Variants in RALGAPA1 observed in about 807,000 individuals in gnomAD.
The protein encoded by RALGAPA1 is Ral GTPase activating protein catalytic subunit alpha 1, also known as ral GTPase-activating protein subunit alpha-1.
Under a neutral mutation model 269.6 loss-of-function variants are expected in RALGAPA1, and 52 were observed. The observed-to-expected ratio is 0.19, with a 90% CI of 0.15 to 0.24. The LOEUF is 0.24. Among genes scored for constraint, RALGAPA1 ranks in the 10% least tolerant of loss-of-function variants. The pLI is 1.00. For synonymous variants in RALGAPA1, 817 were observed against 1,008.3 expected (o/e 0.81, Z 3.60); for missense variants, 1,917 against 3,013.9 (o/e 0.64, Z 8.52).
chr14:35,688,569 GAA>G lies in RALGAPA1; in HGVS notation c.3840_3841del (p.Ser1281GlufsTer39). ...TGGGGAAACATTTGCCTTCGGCTTCGAAAGAGCATGTACAACAGTTTTATAAA... is the reference window on the plus strand; with the variant it reads ...TGGGGAAACATTTGCCTTCGGCTTCGAGAGCATGTACAACAGTTTTATAAA... On this transcript the variant is annotated frameshift_variant, in exon 18 of 42. Coordinates refer to ENST00000680220, the MANE Select transcript of RALGAPA1 (RefSeq NM_001346249.2). LOFTEE classifies it high-confidence loss of function. The G allele has an allele frequency of 6.5e-7, 1 of 1,536,088 alleles. No homozygotes were observed. The highest frequency in any genetic ancestry group is 8.7e-7 in the Non-Finnish European group (1 of 1,146,878).
At position 35,605,589 on chromosome 14, in the gene RALGAPA1, C is replaced by T; in HGVS notation, c.7050G>A (p.Trp2350Ter). The change falls in exon 36 of 42, where the codon TGG (tryptophan) becomes TGA (stop). Residue 2350 changes from tryptophan (W) to a stop codon, truncating the protein, a stop_gained. Transcript: ENST00000680220. LOFTEE classifies it high-confidence loss of function. ...TCGTATAATTTAAAAATAATACCTC[C>T]CAACCAAGACCAGCTACAAAATCTT... ...AYEDFVAGLGWEVNLTNHCGF... is the reference protein window; with the variant it reads ...AYEDFVAGLG 1 of 1,593,836 alleles carries T rather than the reference C, an allele frequency of 6.3e-7. No individual in the cohort carries two copies. Among genetic ancestry groups the T allele is most frequent in the Non-Finnish European group, 8.5e-7 (1 of 1,174,034 alleles).
intron 21 of RALGAPA1, 126 bp downstream of exon 21, chr14:35,683,683 A>G: frequency 1.4e-6 from 1 of 731,488 alleles, no homozygotes; most frequent in Admixed American, 3.2e-5. Flanking sequence ...ATTGTTACAT[A>G]AAGATGAATG....
intron 41 of RALGAPA1, among the ~76,000 whole-genome samples, chr14:35,547,275 A>G (rs2054543365): frequency 6.6e-6 from 1 of 152,160 alleles, no homozygotes; most frequent in African/African-American, 2.4e-5. Flanking sequence ...AAGCCAACAG[A>G]ACCCTGACTT....
At chr14:35,661,393 A>G (rs1595026681) in intron 27 of RALGAPA1, among the ~76,000 whole-genome samples, 1 of 152,332 alleles carries the variant, frequency 6.6e-6, no homozygotes, top group East Asian at 1.9e-4. Flanking sequence ...GAGAAAACGA[A>G]GAACAAATAC....
intron 31 of RALGAPA1, among the ~76,000 whole-genome samples, chr14:35,648,415 G>A (rs1023509733): frequency 1.3e-5 from 2 of 150,430 alleles, no homozygotes; most frequent in African/African-American, 4.9e-5. Context: ...GCAGTGAGCC[G>A]AGACTGCACC....
intron 37 of RALGAPA1, among the ~76,000 whole-genome samples, chr14:35,593,513 A>T (rs1469296725): frequency 6.6e-6 from 1 of 152,104 alleles, no homozygotes; most frequent in African/African-American, 2.4e-5. Flanking sequence ...AAAACCCTCA[A>T]ATGGCCAAAG....
intron 1 of RALGAPA1, among the ~76,000 whole-genome samples, chr14:35,805,450 A>T (rs1230981269): frequency 1.3e-5 from 2 of 151,046 alleles, no homozygotes; most frequent in East Asian, 3.9e-4. Flanking sequence ...TCAAAAAAAA[A>T]AAAAAAAGAA....
intron 22 of RALGAPA1, chr14:35,676,374 G>C (rs2064950928): frequency 6.6e-6 from 1 of 152,154 alleles, no homozygotes; most frequent in South Asian, 2.1e-4. Flanking sequence ...ACCATGATCA[G>C]CTAATTTTTG....
rs1452007492 is a variant in RALGAPA1 at position 35,622,489 on chromosome 14, TG to T, written c.6929+2871del. The stretch of plus-strand genomic sequence containing the variant: ...GTAACAAACCTGCACGTTGTGCACA[TG>T]TACCCTAAAACTTAAAGTATAATAC... On this transcript the variant is annotated intron_variant, in intron 35 of 41. Coordinates refer to ENST00000680220, the MANE Select transcript of RALGAPA1 (RefSeq NM_001346249.2). 5.9e-5 allele frequency among the ~76,000 whole-genome samples: 9 copies of T among 152,348 alleles called. No individual in the cohort carries two copies. In the East Asian group the frequency reaches 1.7e-3, roughly 29 times the overall value.
chr14:35,748,420 T>C, intron 10 of RALGAPA1, 165 bp downstream of exon 10: 1 of 642,878 alleles, frequency 1.6e-6, no homozygotes, highest in Admixed American at 4.1e-5. Context: ...CTCCATGTTG[T>C]CCAAAGTGGC....
intron 1 of RALGAPA1, among the ~76,000 whole-genome samples, chr14:35,798,466 C>A (rs1339462554): frequency 6.6e-6 from 1 of 152,186 alleles, no homozygotes; most frequent in African/African-American, 2.4e-5. Context: ...CATGACCCGC[C>A]ATGCCCAGCC....
Position 35,674,236 on chromosome 14 carries a change from G to C in RALGAPA1, c.4861C>G (p.Pro1621Ala). 6.2e-7 allele frequency: 1 copy of C among 1,612,192 alleles called. No homozygotes were observed. Among genetic ancestry groups the C allele is most frequent in the East Asian group, 2.2e-5 (1 of 44,720 alleles). The change falls in exon 24 of 42, where the codon CCT (proline) becomes GCT (alanine). Residue 1621 changes from proline (P) to alanine (A), a missense_variant. Around this residue, in one of 11 missense-constraint regions of RALGAPA1, gnomAD observed 73 missense variants for 190.6 expected, o/e 0.38. Coordinates refer to ENST00000680220, the MANE Select transcript of RALGAPA1 (RefSeq NM_001346249.2). Reference protein sequence around the residue: ...LGISTDNLTSPSPPVLIPPLR... With the variant: ...LGISTDNLTSASPPVLIPPLR... Reference sequence around the variant, plus strand: ...GGAGGAATTAAAACTGGTGGAGAAGGGGAGGTCAGGTTATCAGTTGAAATG... The same window carrying C: ...GGAGGAATTAAAACTGGTGGAGAAGCGGAGGTCAGGTTATCAGTTGAAATG...
At position 35,664,742 on chromosome 14, in the gene RALGAPA1, A is replaced by T. The variant is rs777552596; in HGVS notation, c.5228T>A (p.Leu1743His). 1.2e-6 allele frequency: 2 copies of T among 1,612,172 alleles called. No homozygotes were observed. Among genetic ancestry groups the T allele is most frequent in the South Asian group, 2.2e-5 (2 of 90,492 alleles). ...GGGAAAGCAAACCAAAGATCCCAGA[A>T]GAACTTGTGCTTCTACTCTTGGTGC... ...LNAPRVEAQV[L>H]LGSLVCFPNL... is the part of the protein sequence containing the mutation. The change falls in exon 27 of 42, where the codon CTT becomes CAT. Residue 1743 changes from leucine to histidine, a missense_variant. By Grantham distance (99) the Leu-to-His change is moderately conservative (BLOSUM62 -3). Coordinates refer to ENST00000680220, the MANE Select transcript of RALGAPA1 (RefSeq NM_001346249.2).
chr14:35,751,165 G>A (rs2072648899), intron 8 of RALGAPA1, among the ~76,000 whole-genome samples: 2 of 152,102 alleles, frequency 1.3e-5, no homozygotes, highest in Admixed American at 1.3e-4. Context: ...TCTAACCCAG[G>A]ATTTGTACAC....
In RALGAPA1 at chr14:35,548,491, T is replaced by C. The variant is rs367577457; in HGVS notation, c.*23+17A>G. The stretch of plus-strand genomic sequence containing the variant: ...GGGAGAAGAACAGAGGGTGTTTTGG[T>C]TGACACTTTGTCTTACCTTCAGATA... On this transcript the variant is annotated intron_variant, in intron 41 of 41. Transcript: ENST00000680220. 51 of 1,544,764 alleles carry C rather than the reference T, an allele frequency of 3.3e-5. No individual in the cohort carries two copies. The highest frequency in any genetic ancestry group is 4.2e-5 in the Non-Finnish European group (48 of 1,143,644).
At chr14:35,584,221 A>G (rs2058129242) in intron 37 of RALGAPA1, among the ~76,000 whole-genome samples, 2 of 152,090 alleles carry the variant, frequency 1.3e-5, no homozygotes, top group African/African-American at 2.4e-5. Flanking sequence ...GAAAGGAGGG[A>G]TTAGGAATAC....
Position 35,627,654 on chromosome 14 carries a change from T to G in RALGAPA1, c.6293A>C (p.Asn2098Thr). 1.3e-6 allele frequency: 2 copies of G among 1,587,554 alleles called. No homozygotes were observed. ...GGLSAGLASA[N>T]SNVRIIVRDL... ...ACGTACTATGATTCTGACATTTGAATTGGCTGATGCAAGGCCAGCAGATAA... is the reference window on the plus strand; with the variant it reads ...ACGTACTATGATTCTGACATTTGAAGTGGCTGATGCAAGGCCAGCAGATAA... Residue 2098 changes from asparagine (N) to threonine (T), a missense_variant, in exon 34 of 42, where the codon AAT becomes ACT. Physicochemically the swap from Asn to Thr is moderately conservative, Grantham distance 65. Around this residue, in one of 11 missense-constraint regions of RALGAPA1, gnomAD observed 346 missense variants for 566.1 expected, o/e 0.61. Coordinates refer to ENST00000680220, the MANE Select transcript of RALGAPA1 (RefSeq NM_001346249.2).
intron 7 of RALGAPA1, among the ~76,000 whole-genome samples, chr14:35,755,593 T>C (rs1399387884): frequency 6.6e-6 from 1 of 152,182 alleles, no homozygotes; most frequent in Non-Finnish European, 1.5e-5. Context: ...GTAATAACAA[T>C]GATGATCATA....
intron 41 of RALGAPA1, among the ~76,000 whole-genome samples, chr14:35,544,956 A>AG (rs2054318673): frequency 6.6e-6 from 1 of 152,166 alleles, no homozygotes; most frequent in Admixed American, 6.5e-5. Context: ...CTGAGGCAGG[A>AG]GAATTGCTTG....
Sources: gnomAD v4.1 joint callset for allele counts (sites outside exome capture counted in the v4.1 genomes callset) on GRCh38, gnomAD v4.1.1 for gene constraint, gnomAD v4.1.1 regional missense constraint, MANE v1.5 for transcripts, NCBI Gene and HGNC (gene_info 2026-07-23, HGNC 2026-07-21) for gene names.